The following DLGAP1 variants were observed in gnomAD, a reference collection of about 807,000 sequenced individuals.
DLGAP1 encodes DLG associated protein 1.
DLGAP1 carries 11 observed loss-of-function variants against 90.8 expected under a neutral mutation model. That is an observed-to-expected ratio of 0.12 (90% CI 0.08 to 0.20). DLGAP1 has a LOEUF of 0.20. Among genes scored for constraint, DLGAP1 ranks in the 10% least tolerant of loss-of-function variants. The probability of loss-of-function intolerance (pLI) is 1.00; values close to 1 mark genes in which losing one functional copy is unlikely to be tolerated. For missense variants in DLGAP1, 1,050 were observed against 1,333.8 expected, an observed-to-expected ratio of 0.79 and a Z score of 3.31; for synonymous variants, 558 against 540.7, an observed-to-expected ratio of 1.03 and a Z score of -0.44.
At chr18:4,299,053 C>G (rs1252121978) in intron 1 of DLGAP1, among the ~76,000 whole-genome samples, 1 of 145,696 alleles carries the variant, frequency 6.9e-6, no homozygotes, top group Admixed American at 7.0e-5. Context: ...TGCAGTCTAG[C>G]CTGGGCGACA....
intron 1 of DLGAP1, among the ~76,000 whole-genome samples, chr18:4,348,686 A>T (rs2081349942): frequency 6.6e-6 from 1 of 152,116 alleles, no homozygotes; most frequent in Non-Finnish European, 1.5e-5. Context: ...AGCCCGCAAG[A>T]TCTTGTAGTG....
intron 7 of DLGAP1, among the ~76,000 whole-genome samples, chr18:3,703,202 T>C (rs1406685752): frequency 1.3e-5 from 2 of 152,152 alleles, no homozygotes; most frequent in Non-Finnish European, 2.9e-5. Context: ...TGTCTCAGGA[T>C]CACCGGATAT....
intron 1 of DLGAP1, among the ~76,000 whole-genome samples, chr18:4,313,821 AAATAAATTGTT>A (rs1334690163): frequency 1.3e-5 from 2 of 152,242 alleles, no homozygotes; most frequent in Non-Finnish European, 2.9e-5. Flanking sequence ...AGCAATGAAT[AAATAAATTGTT>A]AACAAAGAAG....
intron 2 of DLGAP1, among the ~76,000 whole-genome samples, chr18:4,062,076 G>C (rs1190240117): frequency 6.6e-6 from 1 of 152,076 alleles, no homozygotes; most frequent in Non-Finnish European, 1.5e-5. Context: ...GTGACTTTTT[G>C]TTTAAAATAT....
At chr18:4,318,147 C>T (rs2143555076) in intron 1 of DLGAP1, among the ~76,000 whole-genome samples, 1 of 152,260 alleles carries the variant, frequency 6.6e-6, no homozygotes, top group South Asian at 2.1e-4. Flanking sequence ...AAATATTTCC[C>T]AGCTATGAGA....
In DLGAP1 at chr18:3,874,828, T is replaced by G; in HGVS notation, c.957+4284A>C. ...TTGGAAAAAAAAGGAGTCCCTTTTT[T>G]TATTAACTGCAGACAGCTTGTGAGT... On this transcript the variant is annotated intron_variant, in intron 4 of 12. Coordinates refer to ENST00000315677, the MANE Select transcript of DLGAP1 (RefSeq NM_004746.4). The G allele has an allele frequency of 1.1e-5, 15 of 1,346,246 alleles. No homozygotes were observed. In the South Asian group the frequency reaches 2.7e-4, roughly 24 times the overall value. The allele number at this position is 1,346,246 out of a possible 1,614,324, so 83.4% of individuals were successfully genotyped here. A position where few individuals can be genotyped will look rare whatever the true frequency, so the allele number is the denominator to read the frequency against.
At chr18:4,276,347 T>C (rs973794005) in intron 1 of DLGAP1, among the ~76,000 whole-genome samples, 1 of 151,964 alleles carries the variant, frequency 6.6e-6, no homozygotes, top group African/African-American at 2.4e-5. Context: ...TAAAATAAGT[T>C]AAACAAGGCT....
At chr18:3,737,996 C>T (rs1347004077) in intron 6 of DLGAP1, among the ~76,000 whole-genome samples, 3 of 150,340 alleles carry the variant, frequency 2.0e-5, no homozygotes, top group Non-Finnish European at 4.4e-5. Context: ...AAACAGAGAG[C>T]CAAATCATGA....
chr18:3,772,628 A>G (rs1205126637), intron 5 of DLGAP1, among the ~76,000 whole-genome samples: 1 of 151,350 alleles, frequency 6.6e-6, no homozygotes, highest in African/African-American at 2.4e-5. Flanking sequence ...TGGGAATTTT[A>G]TTAATAATAT....
At chr18:4,228,921 T>A (rs916087467) in intron 1 of DLGAP1, among the ~76,000 whole-genome samples, 1 of 151,980 alleles carries the variant, frequency 6.6e-6, no homozygotes, top group African/African-American at 2.4e-5. Flanking sequence ...TTGCAAATTA[T>A]GTAATCTTAT....
chr18:3,715,784 C>T (rs1027670757), intron 7 of DLGAP1, among the ~76,000 whole-genome samples: 10 of 152,112 alleles, frequency 6.6e-5, no homozygotes, highest in Admixed American at 5.9e-4. Context: ...ACTACAAAGG[C>T]ATGGATTTAT....
At chr18:4,257,764 A>G (rs2078919058) in intron 1 of DLGAP1, among the ~76,000 whole-genome samples, 1 of 151,628 alleles carries the variant, frequency 6.6e-6, no homozygotes, top group Non-Finnish European at 1.5e-5. Context: ...AGCTGAGACT[A>G]TAGATGCATG....
At chr18:3,646,819 G>A (rs1409398283) in intron 7 of DLGAP1, among the ~76,000 whole-genome samples, 2 of 152,068 alleles carry the variant, frequency 1.3e-5, no homozygotes, top group African/African-American at 4.8e-5. Context: ...CAGCTACTCG[G>A]GAGGCTGAAG....
At chr18:3,600,244 T>A (rs2056819308) in intron 7 of DLGAP1, among the ~76,000 whole-genome samples, 1 of 152,118 alleles carries the variant, frequency 6.6e-6, no homozygotes, top group Admixed American at 6.6e-5. Context: ...AGAAACATTC[T>A]TTTTTCTTGT....
chr18:3,774,824 G>C (rs2064865587), intron 5 of DLGAP1, among the ~76,000 whole-genome samples: 1 of 151,980 alleles, frequency 6.6e-6, no homozygotes, highest in Non-Finnish European at 1.5e-5. Flanking sequence ...TCTCATCCTG[G>C]CTCTCTCTGA....
chr18:4,089,827 C>T (rs1211267987), intron 2 of DLGAP1, among the ~76,000 whole-genome samples: 6 of 152,126 alleles, frequency 3.9e-5, no homozygotes, highest in East Asian at 3.9e-4. Flanking sequence ...GGGCGGATCA[C>T]GAGGTCAGGA....
Position 3,499,308 on chromosome 18 carries a change from C to A in DLGAP1, c.2811G>T (p.Gln937His), listed in dbSNP as rs1015043177. 6.3e-7 allele frequency: 1 copy of A among 1,578,608 alleles called. No homozygotes were observed. Among genetic ancestry groups the A allele is most frequent in the Non-Finnish European group, 8.6e-7 (1 of 1,163,358 alleles). Residue 937 changes from glutamine to histidine, a missense_variant, in exon 13 of 13, where the codon CAG becomes CAT. Physicochemically the swap from Gln to His is conservative, Grantham distance 24. Around this residue, in one of 2 missense-constraint regions of DLGAP1, gnomAD observed 565 missense variants for 879.7 expected, o/e 0.64. Transcript: ENST00000315677. The surrounding 1 kb of genome is among the most constrained non-coding windows in gnomAD (Gnocchi z 6.4). ...TCAGGCGCTTGCGGGCCTCCTGGCG[C>A]TGCGAGCTCTCCAGCGAGCGCTCCC... ...LIRERSLESS[Q>H]RQEARKRLMA...
intron 3 of DLGAP1, among the ~76,000 whole-genome samples, chr18:3,972,233 C>T (rs537931925): frequency 7.2e-5 from 11 of 152,070 alleles, no homozygotes; most frequent in Admixed American, 1.3e-4. Context: ...ATCACTAGGC[C>T]GGGCATGGTG....
intron 2 of DLGAP1, among the ~76,000 whole-genome samples, chr18:4,023,327 C>A (rs1418127729): frequency 6.6e-6 from 1 of 151,896 alleles, no homozygotes; most frequent in East Asian, 1.9e-4. Flanking sequence ...TTTTAAAAGG[C>A]TTTTAACACT....
Sources: gnomAD v4.1 joint callset for allele counts (sites outside exome capture counted in the v4.1 genomes callset) on GRCh38, gnomAD v4.1.1 for gene constraint, gnomAD v4.1.1 regional missense constraint, Gnocchi (gnomAD v3.1) non-coding constraint, MANE v1.5 for transcripts, NCBI Gene and HGNC (gene_info 2026-07-23, HGNC 2026-07-21) for gene names.